EPB41: variants seen among roughly 807,000 people sequenced by gnomAD.
The protein encoded by EPB41 is erythrocyte membrane protein band 4.1.
Under a neutral mutation model 108.0 loss-of-function variants are expected in EPB41, and 65 were observed. The observed-to-expected ratio is 0.60, with a 90% CI of 0.49 to 0.74. The LOEUF (loss-of-function observed/expected upper bound fraction) is 0.74. Ranked by LOEUF, EPB41 falls within the 30% of genes least tolerant of loss-of-function variation. The pLI is 0.00. For synonymous variants in EPB41, 336 were observed against 358.9 expected (o/e 0.94, Z 0.72); for missense variants, 875 against 1,037.0 (o/e 0.84, Z 2.15).
chr1:29,020,319 G>A (rs369306283), intron 7 of EPB41, among the ~76,000 whole-genome samples: 5 of 151,554 alleles, frequency 3.3e-5, no homozygotes, highest in East Asian at 3.9e-4. Flanking sequence ...CACCTGCCTC[G>A]GCCTCCCAAA....
chr1:28,981,303 T>G (rs1338937923), intron 1 of EPB41, among the ~76,000 whole-genome samples: 3 of 152,138 alleles, frequency 2.0e-5, no homozygotes, highest in African/African-American at 7.2e-5. Context: ...GATGGGAAAA[T>G]TTAACAGGAA....
intron 7 of EPB41, among the ~76,000 whole-genome samples, chr1:29,030,181 T>C (rs996101570): frequency 5.3e-5 from 8 of 152,212 alleles, no homozygotes; most frequent in Non-Finnish European, 1.2e-4. Flanking sequence ...TGACTTTTTG[T>C]TTGCTCACAT....
rs4654390 is a variant in EPB41, at chr1:29,112,504, T to A, written c.2496+56T>A. 698,729 of 1,423,546 alleles carry A rather than the reference T, an allele frequency of 0.49. 176,866 individuals are homozygous for A. Among genetic ancestry groups the A allele is most frequent in the South Asian group, 0.56 (48,476 of 87,226 alleles). The allele number at this position is 1,423,546 out of a possible 1,614,324, so 88.2% of individuals were successfully genotyped here. A position where few individuals can be genotyped will look rare whatever the true frequency, so the allele number is the denominator to read the frequency against. On this transcript the variant is annotated intron_variant, in intron 19 of 20. Transcript: ENST00000343067. ...AGGGGTCCCTGGGCAGGAAGACCGA[T>A]GAATACAGGAGTTTGTTTGCCATCT... is the stretch of plus-strand genomic sequence containing the variant.
At chr1:28,892,715 T>TAAACA (rs890531950) in intron 1 of EPB41, among the ~76,000 whole-genome samples, 18 of 140,300 alleles carry the variant, frequency 1.3e-4, no homozygotes, top group Admixed American at 1.4e-4. Flanking sequence ...AACAAACAAA[T>TAAACA]AAACAAAACA....
chr1:29,091,540 G>T (rs1661181135), intron 16 of EPB41, among the ~76,000 whole-genome samples: 1 of 152,060 alleles, frequency 6.6e-6, no homozygotes, highest in South Asian at 2.1e-4. Flanking sequence ...CATTATAGGT[G>T]CTCTGCTCAT....
chr1:29,038,650 A>T (rs1212702576), intron 10 of EPB41, among the ~76,000 whole-genome samples: 1 of 152,254 alleles, frequency 6.6e-6, no homozygotes, highest in Non-Finnish European at 1.5e-5. Flanking sequence ...CTTTACTCCT[A>T]GAGAATTCAG....
At chr1:28,928,785 G>T (rs887379460) in intron 1 of EPB41, among the ~76,000 whole-genome samples, 8 of 152,186 alleles carry the variant, frequency 5.3e-5, no homozygotes, top group Non-Finnish European at 1.2e-4. Flanking sequence ...AGCAGGCTGA[G>T]TTTAAATGTT....
intron 4 of EPB41, among the ~76,000 whole-genome samples, chr1:29,000,864 C>T (rs946952700): frequency 3.3e-5 from 5 of 149,650 alleles, no homozygotes; most frequent in Non-Finnish European, 7.4e-5. Flanking sequence ...TTAATTAAAA[C>T]GAGAGTCCTT....
chr1:29,066,292 G>A (rs1647748601), intron 16 of EPB41, among the ~76,000 whole-genome samples: 1 of 151,984 alleles, frequency 6.6e-6, no homozygotes, highest in Non-Finnish European at 1.5e-5. Context: ...GGTGGCACAT[G>A]CCTGTAATCC....
chr1:28,997,765 A>G (rs2149694055), intron 4 of EPB41, among the ~76,000 whole-genome samples: 1 of 152,198 alleles, frequency 6.6e-6, no homozygotes, highest in Non-Finnish European at 1.5e-5. Flanking sequence ...AACATTATGA[A>G]ACAGAATAAA....
chr1:28,943,637 A>G (rs1211723472), intron 1 of EPB41, among the ~76,000 whole-genome samples: 1 of 151,942 alleles, frequency 6.6e-6, no homozygotes, highest in African/African-American at 2.4e-5. Context: ...TGATAGAGTG[A>G]GACTCCGTTT....
At chr1:29,081,835 C>A (rs377192696) in intron 16 of EPB41, among the ~76,000 whole-genome samples, 176 of 126,236 alleles carry the variant, frequency 1.4e-3, no homozygotes, top group Middle Eastern at 4.2e-3. Flanking sequence ...AACTCTGTCT[C>A]AAAAAAAAAA....
intron 1 of EPB41, among the ~76,000 whole-genome samples, chr1:28,966,525 G>T (rs191645479): frequency 1.3e-5 from 2 of 152,296 alleles, no homozygotes; most frequent in East Asian, 3.9e-4. Flanking sequence ...ACATTCTAGT[G>T]GGGGTAGACA....
At chr1:28,952,202 A>G (rs1557792332) in intron 1 of EPB41, among the ~76,000 whole-genome samples, 2 of 151,624 alleles carry the variant, frequency 1.3e-5, no homozygotes, top group African/African-American at 4.9e-5. Flanking sequence ...GAGTGAGGAG[A>G]TACTTTTTTT....
At chr1:28,969,350 G>A (rs1025926924) in intron 1 of EPB41, among the ~76,000 whole-genome samples, 2 of 151,918 alleles carry the variant, frequency 1.3e-5, no homozygotes, top group Non-Finnish European at 1.5e-5. Context: ...CTCCCAAAGC[G>A]TTGGGATTAC....
intron 4 of EPB41, among the ~76,000 whole-genome samples, chr1:29,003,732 G>A (rs1437746080): frequency 2.6e-5 from 4 of 152,146 alleles, no homozygotes; most frequent in East Asian, 1.9e-4. Flanking sequence ...TACTGACTGC[G>A]TGATAATGGG....
rs531741732 is a variant in EPB41, at chr1:29,096,087, A to G, written c.2185-1720A>G. The G allele has an allele frequency of 6.5e-5, 60 of 918,918 alleles. 1 individual carries two copies. The South Asian group carries it at 2.8e-3, about 43-fold the overall frequency. 56.9% of individuals were successfully genotyped at this position (918,918 alleles called of 1,614,324 possible). On this transcript the variant is annotated intron_variant, in intron 16 of 20. Coordinates refer to ENST00000343067, the MANE Select transcript of EPB41 (RefSeq NM_001376013.1). ...TTGAGGCTTCCAAAAATCATTGTTG[A>G]TTCTCAGAGTTCATTCTCCCACTTA...
intron 17 of EPB41, among the ~76,000 whole-genome samples, chr1:29,098,627 GCTC>G (rs1664105078): frequency 6.6e-6 from 1 of 152,170 alleles, no homozygotes. Context: ...TCAAGTCCTG[GCTC>G]CTCCACTTAC....
chr1:28,965,721 C>T (rs1194425928), intron 1 of EPB41, among the ~76,000 whole-genome samples: 1 of 152,090 alleles, frequency 6.6e-6, no homozygotes, highest in African/African-American at 2.4e-5. Context: ...AACTCATTAC[C>T]ATTTGTAGTG....
Sources: allele counts gnomAD v4.1 joint callset (sites outside exome capture counted in the v4.1 genomes callset), GRCh38; gene constraint gnomAD v4.1.1; transcripts MANE v1.5; gene names NCBI Gene and HGNC (gene_info 2026-07-23, HGNC 2026-07-21).